PAX7: variants seen among roughly 807,000 people sequenced by gnomAD.
PAX7 encodes paired box 7.
PAX7 carries 18 observed loss-of-function variants against 50.7 expected under a neutral mutation model. The ratio of observed to expected loss-of-function variants is 0.36; its 90% CI spans 0.25 to 0.53. PAX7 has a LOEUF of 0.53. Among genes scored for constraint, PAX7 ranks in the 20% least tolerant of loss-of-function variants. PAX7 has a pLI of 0.93. For missense variants in PAX7, 644 were observed against 702.9 expected, an observed-to-expected ratio of 0.92 and a Z score of 0.95; for synonymous variants, 310 against 290.4, an observed-to-expected ratio of 1.07 and a Z score of -0.69.
rs940175590 is a variant in PAX7 at position 18,746,689 on chromosome 1, GA to G, written c.*1763del. 2 of 231,062 alleles carry G rather than the reference GA, an allele frequency of 8.7e-6. No individual in the cohort carries two copies. Among genetic ancestry groups the G allele is most frequent in the African/African-American group, 4.4e-5 (2 of 45,212 alleles). The allele number at this position is 231,062 out of a possible 1,614,324, so 14.3% of individuals were successfully genotyped here. A position where few individuals can be genotyped will look rare whatever the true frequency, so the allele number is the denominator to read the frequency against. Reference sequence around the variant, plus strand: ...TCAGTCAACAAGACATTCCTAGAGGGAAAGGGCTGCTGCTCTGGGAGTCAAC... The same window carrying G: ...TCAGTCAACAAGACATTCCTAGAGGGAAGGGCTGCTGCTCTGGGAGTCAAC... On this transcript the variant is annotated 3_prime_UTR_variant, in exon 9 of 9. Coordinates refer to ENST00000420770, the MANE Select transcript of PAX7 (RefSeq NM_001135254.2).
chr1:18,717,551 T>C (rs763146240), intron 7 of PAX7, among the ~76,000 whole-genome samples: 7 of 152,172 alleles, frequency 4.6e-5, no homozygotes, highest in Non-Finnish European at 1.0e-4. Context: ...TGCCCTGACC[T>C]GGCTGTGGTG....
intron 4 of PAX7, among the ~76,000 whole-genome samples, chr1:18,670,294 T>C (rs1171230666): frequency 6.6e-6 from 1 of 152,094 alleles, no homozygotes; most frequent in Non-Finnish European, 1.5e-5. Flanking sequence ...TATTGTAAAA[T>C]CAATTATTTG....
At chr1:18,725,278 T>G (rs1406641115) in intron 7 of PAX7, among the ~76,000 whole-genome samples, 1 of 138,490 alleles carries the variant, frequency 7.2e-6, no homozygotes, top group African/African-American at 2.7e-5. Flanking sequence ...CATCCTCGTC[T>G]CCACCAATTA....
chr1:18,633,866 G>T (rs1007198816), intron 1 of PAX7, among the ~76,000 whole-genome samples: 1 of 152,242 alleles, frequency 6.6e-6, no homozygotes, highest in Non-Finnish European at 1.5e-5. Flanking sequence ...TCTCCAAGAC[G>T]CAGGCAGGCC....
intron 4 of PAX7, among the ~76,000 whole-genome samples, chr1:18,661,749 C>G (rs1278026316): frequency 1.3e-5 from 2 of 152,226 alleles, no homozygotes; most frequent in Non-Finnish European, 2.9e-5. Context: ...CCAACTGGGC[C>G]TGGCCTTTGA....
chr1:18,636,494 G>A lies in PAX7; in HGVS notation c.586+123G>A. 7.9e-7 allele frequency: 1 copy of A among 1,259,194 alleles called. No individual in the cohort carries two copies. The highest frequency in any genetic ancestry group is 1.1e-6 in the Non-Finnish European group (1 of 904,976). 78.0% of individuals were successfully genotyped at this position (1,259,194 alleles called of 1,614,324 possible). ...AGAACTCCAGCGGAGAAACTCTCAT[G>A]CTGCGGGGCAGCTGGGAGCCGCTCA... On this transcript the variant is annotated intron_variant, in intron 4 of 8. Transcript: ENST00000420770. This position sits in a 1 kb window ranked among gnomAD's most constrained non-coding sequence, Gnocchi z 5.1.
At chr1:18,633,695 G>A (rs888556223) in intron 1 of PAX7, among the ~76,000 whole-genome samples, 1 of 152,170 alleles carries the variant, frequency 6.6e-6, no homozygotes, top group Non-Finnish European at 1.5e-5. Context: ...CCCGTCCCTC[G>A]GCTGTGCCTC....
intron 4 of PAX7, among the ~76,000 whole-genome samples, chr1:18,687,513 AC>A (rs1470790946): frequency 6.6e-6 from 1 of 152,138 alleles, no homozygotes; most frequent in East Asian, 1.9e-4. Context: ...GCCTCGGTAT[AC>A]CTATTTGTAA....
At chr1:18,684,834 T>C (rs997888484) in intron 4 of PAX7, among the ~76,000 whole-genome samples, 1 of 151,736 alleles carries the variant, frequency 6.6e-6, no homozygotes, top group African/African-American at 2.4e-5. Flanking sequence ...GAAGCAGGGG[T>C]GGGAGGGTTT....
chr1:18,636,444 G>T lies in PAX7; in HGVS notation c.586+73G>T, dbSNP rs2088158557. Reference sequence around the variant, plus strand: ...GCTCCGGTGTGCGGGCCAGTGGTTCGCTCCCGCCGCCGGAGCAGGCGACCA... The same window carrying T: ...GCTCCGGTGTGCGGGCCAGTGGTTCTCTCCCGCCGCCGGAGCAGGCGACCA... On this transcript the variant is annotated intron_variant, in intron 4 of 8. Transcript: ENST00000420770. This position sits in a 1 kb window ranked among gnomAD's most constrained non-coding sequence, Gnocchi z 5.1. 2 of 1,524,580 alleles carry T rather than the reference G, an allele frequency of 1.3e-6. No homozygotes were observed. The highest frequency in any genetic ancestry group is 1.4e-5 in the African/African-American group (1 of 71,844). The allele number at this position is 1,524,580 out of a possible 1,614,324, so 94.4% of individuals were successfully genotyped here.
chr1:18,649,513 A>G (rs1178475060), intron 4 of PAX7, among the ~76,000 whole-genome samples: 1 of 151,866 alleles, frequency 6.6e-6, no homozygotes, highest in Non-Finnish European at 1.5e-5. Flanking sequence ...CCATCTGGAC[A>G]ATTGCAGCCC....
chr1:18,735,843 C>A lies in PAX7; in HGVS notation c.1367C>A (p.Pro456His). 6.2e-7 allele frequency: 1 copy of A among 1,614,170 alleles called. No homozygotes were observed. The highest frequency in any genetic ancestry group is 1.1e-5 in the South Asian group (1 of 91,076). ...AGCACCACCGGCTACAGCGTGGACC[C>A]CGTGGCCGGCTATCAGTACGGCCAG... ...TYSTTGYSVD[P>H]VAGYQYGQYG... is the part of the protein sequence containing the mutation. Residue 456 changes from proline (P) to histidine (H), a missense_variant, in exon 8 of 9, where the codon CCC (proline) becomes CAC (histidine). Pro to His is a moderately conservative substitution (Grantham distance 77). Transcript: ENST00000420770. This position sits in a 1 kb window ranked among gnomAD's most constrained non-coding sequence, Gnocchi z 4.0.
At chr1:18,663,485 C>T (rs575410944) in intron 4 of PAX7, among the ~76,000 whole-genome samples, 23 of 152,342 alleles carry the variant, frequency 1.5e-4, no homozygotes, top group African/African-American at 4.3e-4. Context: ...CATGTTCAAA[C>T]GATTCTTGTG....
rs2841091 is a variant in PAX7, at chr1:18,672,558, C to T, written c.587-19196C>T. On this transcript the variant is annotated intron_variant, in intron 4 of 8. Coordinates refer to ENST00000420770, the MANE Select transcript of PAX7 (RefSeq NM_001135254.2). ...CATCCCTGTCTCAGATGCAGTGTCC[C>T]CTCCTGCCAAATGCGGCCCTAGACT... Among the ~76,000 whole-genome samples, 1,124 of 151,726 alleles carry T rather than the reference C, an allele frequency of 7.4e-3. 12 individuals carry two copies. The highest frequency in any genetic ancestry group is 0.025 in the African/African-American group (1,033 of 41,306).
intron 4 of PAX7, among the ~76,000 whole-genome samples, chr1:18,682,579 A>G (rs2088915237): frequency 6.6e-6 from 1 of 152,166 alleles, no homozygotes; most frequent in Non-Finnish European, 1.5e-5. Flanking sequence ...CTCCAGCCCT[A>G]GAAAACCCCA....
chr1:18,644,200 G>A (rs922413486), intron 4 of PAX7, among the ~76,000 whole-genome samples: 1 of 152,160 alleles, frequency 6.6e-6, no homozygotes, highest in Non-Finnish European at 1.5e-5. Context: ...CCAGCCCCCC[G>A]CGGCTGTGTT....
intron 4 of PAX7, among the ~76,000 whole-genome samples, chr1:18,683,253 G>T (rs1473198659): frequency 6.6e-6 from 1 of 152,224 alleles, no homozygotes; most frequent in Non-Finnish European, 1.5e-5. Context: ...GTTTTGCTCT[G>T]TCTCAGCAAT....
rs185999865 is a variant in PAX7, at chr1:18,702,190, T to G, written c.953-904T>G. Among the ~76,000 whole-genome samples the G allele has an allele frequency of 1.7e-3, 227 of 134,348 alleles. 3 individuals carry two copies. The East Asian group carries it at 0.036, about 21-fold the overall frequency. 88.1% of individuals were successfully genotyped at this position (134,348 alleles called of 152,430 possible). A position where few individuals can be genotyped will look rare whatever the true frequency, so the allele number is the denominator to read the frequency against. On this transcript the variant is annotated intron_variant, in intron 6 of 8. Coordinates refer to ENST00000420770, the MANE Select transcript of PAX7 (RefSeq NM_001135254.2). ...CTACTAAAAATACAAAAAAAAAAAATTATCTGGGCATGGTGGCGTGCATCT... is the reference window on the plus strand; with the variant it reads ...CTACTAAAAATACAAAAAAAAAAAAGTATCTGGGCATGGTGGCGTGCATCT...
intron 4 of PAX7, among the ~76,000 whole-genome samples, chr1:18,681,406 G>T (rs963064319): frequency 4.6e-5 from 7 of 152,098 alleles, no homozygotes; most frequent in African/African-American, 1.7e-4. Flanking sequence ...TCCCATATGT[G>T]CTTTGTGCTT....
Sources: gnomAD v4.1 joint callset for allele counts (sites outside exome capture counted in the v4.1 genomes callset) on GRCh38, gnomAD v4.1.1 for gene constraint, Gnocchi (gnomAD v3.1) non-coding constraint, MANE v1.5 for transcripts, NCBI Gene and HGNC (gene_info 2026-07-23, HGNC 2026-07-21) for gene names.